The following AGL variants were observed in gnomAD, a reference collection of about 807,000 sequenced individuals.
The protein encoded by AGL is amylo-alpha-1,6-glucosidase and 4-alpha-glucanotransferase.
AGL carries 128 observed loss-of-function variants against 199.3 expected under a neutral mutation model. The observed-to-expected ratio is 0.64, with a 90% CI of 0.56 to 0.74. AGL has a LOEUF of 0.74. Among genes scored for constraint, AGL ranks in the 30% least tolerant of loss-of-function variants. The probability of loss-of-function intolerance (pLI) is 0.00; values close to 1 mark genes in which losing one functional copy is unlikely to be tolerated. For missense variants in AGL, 1,809 were observed against 1,820.8 expected (o/e 0.99, Z 0.12); for synonymous variants, 584 against 594.7 (o/e 0.98, Z 0.26).
At chr1:99,912,072 C>T (rs186210113) in intron 28 of AGL, among the ~76,000 whole-genome samples, 3 of 152,224 alleles carry the variant, frequency 2.0e-5, no homozygotes, top group Admixed American at 2.0e-4. Flanking sequence ...TTTCTCCAGC[C>T]CTATTTTTCA....
chr1:99,871,415 C>G (rs550225159), intron 7 of AGL, among the ~76,000 whole-genome samples: 3 of 136,140 alleles, frequency 2.2e-5, no homozygotes, highest in South Asian at 2.2e-4. Flanking sequence ...AATGTGCCCC[C>G]CCCCCCCCAA....
intron 21 of AGL, among the ~76,000 whole-genome samples, chr1:99,890,060 C>T (rs1401266035): frequency 6.6e-6 from 1 of 152,128 alleles, no homozygotes; most frequent in South Asian, 2.1e-4. Context: ...TCCTTTCATC[C>T]TCAGTATCCA....
intron 2 of AGL, among the ~76,000 whole-genome samples, chr1:99,858,523 T>A (rs1184053600): frequency 1.3e-5 from 2 of 152,204 alleles, no homozygotes; most frequent in Non-Finnish European, 2.9e-5. Context: ...TGGATGTGGC[T>A]GTGTTCCAGT....
At position 99,916,494 on chromosome 1, in the gene AGL, A is replaced by C. The variant is rs373302638; in HGVS notation, c.4344A>C (p.Gly1448=). Residue 1448 remains glycine (G), a synonymous_variant, in exon 32 of 34, where the codon GGA becomes GGC. Coordinates refer to ENST00000361915, the MANE Select transcript of AGL (RefSeq NM_000642.3). ...CTAAAGGTTTCAATTATCACCAAGG[A>C]CCTGTAAGAATTTCATTTATCTTCT... ...NLAKGFNYHQ[G]PEWLWPIGYF... The C allele has an allele frequency of 6.2e-7, 1 of 1,609,774 alleles. No homozygotes were observed. Among genetic ancestry groups the C allele is most frequent in the African/African-American group, 1.3e-5 (1 of 74,910 alleles).
intron 7 of AGL, 27 bp from the exon 8 acceptor site, chr1:99,874,660 T>G: frequency 6.3e-7 from 1 of 1,597,254 alleles, no homozygotes; most frequent in East Asian, 2.2e-5. Flanking sequence ...TATTTGCATT[T>G]AAGGTATCGT....
In AGL at chr1:99,861,305, T is replaced by C. The variant is rs1571225618; in HGVS notation, c.83-198T>C. The C allele has an allele frequency of 1.3e-5, 19 of 1,442,380 alleles. No individual in the cohort carries two copies. The East Asian group carries it at 4.9e-4, about 37-fold the overall frequency. The allele number at this position is 1,442,380 out of a possible 1,614,324, so 89.3% of individuals were successfully genotyped here. A position where few individuals can be genotyped will look rare whatever the true frequency, so the allele number is the denominator to read the frequency against. On this transcript the variant is annotated intron_variant, in intron 2 of 33. Coordinates refer to ENST00000361915, the MANE Select transcript of AGL (RefSeq NM_000642.3). ...CATTACAGAGCAGACAGCTCTATGA[T>C]GTTTACTATACTTGCTAAAATGTGA...
At chr1:99,888,231 C>T in intron 21 of AGL, 123 bp downstream of exon 21, 1 of 1,260,554 alleles carries the variant, frequency 7.9e-7, no homozygotes, top group Non-Finnish European at 1.1e-6. Flanking sequence ...GGCTCTGCTT[C>T]TGCTCATTAA....
At chr1:99,866,361 A>G (rs1650509642) in intron 5 of AGL, among the ~76,000 whole-genome samples, 1 of 152,162 alleles carries the variant, frequency 6.6e-6, no homozygotes, top group African/African-American at 2.4e-5. Context: ...GTGATAGGGA[A>G]CTAGTTTCTC....
rs777174193 is a variant in AGL, at chr1:99,888,033, T to C, written c.2737T>C (p.Ser913Pro). The C allele has an allele frequency of 6.2e-7, 1 of 1,613,540 alleles. No homozygotes were observed. Among genetic ancestry groups the C allele is most frequent in the Non-Finnish European group, 8.5e-7 (1 of 1,179,646 alleles). The part of the protein sequence containing the change: ...ELNQILYRCE[S>P]EEKEDGGGCY... ...AAATCAGATCCTTTACCGATGTGAA[T>C]CAGAAGAAAAGGAAGATGGTGGAGG... is the stretch of plus-strand genomic sequence containing the variant. The change falls in exon 21 of 34, where the codon TCA (serine) becomes CCA (proline). Residue 913 changes from serine (S) to proline (P), a missense_variant. By Grantham distance (74) the Ser-to-Pro change is moderately conservative (BLOSUM62 -1). Coordinates refer to ENST00000361915, the MANE Select transcript of AGL (RefSeq NM_000642.3).
Position 99,924,018 on chromosome 1 carries a change from G to C in AGL, c.*2367G>C, listed in dbSNP as rs980088194. The C allele has an allele frequency of 1.3e-5, 2 of 152,052 alleles. No individual in the cohort carries two copies. The highest frequency in any genetic ancestry group is 4.8e-5 in the African/African-American group (2 of 41,394). The allele number at this position is 152,052 out of a possible 1,614,324, so 9.4% of individuals were successfully genotyped here. On this transcript the variant is annotated 3_prime_UTR_variant, in exon 34 of 34. Transcript: ENST00000361915. ...AAGAAAATAAAAATATTTTCTAAAG[G>C]TCTGTATTTTGCTTTCATTCATAGT...
At position 99,913,642 on chromosome 1, in the gene AGL, G is replaced by A; in HGVS notation, c.4065G>A (p.Leu1355=). 12 of 1,614,052 alleles carry A rather than the reference G, an allele frequency of 7.4e-6. No individual in the cohort carries two copies. Among genetic ancestry groups the A allele is most frequent in the Non-Finnish European group, 1.0e-5 (12 of 1,179,974 alleles). ...PSDLNEKHPN[L]VHKRGIYKDS... ...ATTTAAATGAAAAGCATCCAAATCT[G>A]GTTCACAAACGTGGCATATACAAAG... The change falls in exon 30 of 34, where the codon CTG becomes CTA. Residue 1355 remains leucine (L), a synonymous_variant. Coordinates refer to ENST00000361915, the MANE Select transcript of AGL (RefSeq NM_000642.3).
intron 31 of AGL, 48 bp downstream of exon 31, chr1:99,915,534 T>C (rs1655051814): frequency 7.0e-7 from 1 of 1,429,572 alleles, no homozygotes; most frequent in Admixed American, 1.8e-5. Flanking sequence ...TTAATCCAAA[T>C]ACATTGACAT....
At chr1:99,915,323 C>G (rs910446511) in intron 30 of AGL, 66 bp from the exon 31 acceptor site, 13 of 1,313,256 alleles carry the variant, frequency 9.9e-6, no homozygotes, top group Admixed American at 1.7e-5. Context: ...TGAATAGTTT[C>G]TGTGGGTAGG....
At chr1:99,875,527 C>T in intron 10 of AGL, 72 bp downstream of exon 10, 1 of 1,303,606 alleles carries the variant, frequency 7.7e-7, no homozygotes, top group South Asian at 1.2e-5. Context: ...TGAAATTAAC[C>T]TAAATGTTTT....
chr1:99,899,744 C>T (rs1007284866), intron 25 of AGL, among the ~76,000 whole-genome samples: 2 of 152,072 alleles, frequency 1.3e-5, no homozygotes, highest in African/African-American at 4.8e-5. Context: ...CCTCAGCCTC[C>T]TGAGTAGCTG....
chr1:99,912,173 T>C (rs762916080), intron 28 of AGL, among the ~76,000 whole-genome samples: 27 of 152,142 alleles, frequency 1.8e-4, no homozygotes, highest in Non-Finnish European at 4.0e-4. Context: ...ATTCCACAAT[T>C]CCCATTCTAC....
rs772656234 is a variant in AGL, at chr1:99,875,380, A to G, written c.1208A>G (p.Asn403Ser). 1 of 1,614,154 alleles carries G rather than the reference A, an allele frequency of 6.2e-7. No homozygotes were observed. Among genetic ancestry groups the G allele is most frequent in the South Asian group, 1.1e-5 (1 of 91,088 alleles). The change falls in exon 10 of 34, where the codon AAT becomes AGT. Residue 403 changes from asparagine to serine, a missense_variant. By Grantham distance (46) the Asn-to-Ser change is conservative. Coordinates refer to ENST00000361915, the MANE Select transcript of AGL (RefSeq NM_000642.3). ...CAGGCAGTTAATTGCCTTTTGGGAA[A>G]TGTGTTTTATGAACGACTGGCTGGC... ...QEQAVNCLLG[N>S]VFYERLAGHG...
chr1:99,896,414 C>T, intron 25 of AGL, 26 bp downstream of exon 25: 1 of 1,529,070 alleles, frequency 6.5e-7, no homozygotes, highest in Non-Finnish European at 9.1e-7. Flanking sequence ...AAGTGTTGTA[C>T]TGCGAGTTTA....
In AGL at chr1:99,883,347, T is replaced by A. The variant is rs987992485; in HGVS notation, c.2309-773T>A. 1.2e-4 allele frequency among the ~76,000 whole-genome samples: 18 copies of A among 152,228 alleles called. 1 individual carries two copies. Among genetic ancestry groups the A allele is most frequent in the Admixed American group, 1.0e-3 (16 of 15,284 alleles). ...CTGCAGTTCTATCCCTAGGTATATA[T>A]CTGGGAAACTTTCATATATTTCCAT... On this transcript the variant is annotated intron_variant, in intron 17 of 33. Coordinates refer to ENST00000361915, the MANE Select transcript of AGL (RefSeq NM_000642.3).
Sources: gnomAD v4.1 joint callset for allele counts (sites outside exome capture counted in the v4.1 genomes callset) on GRCh38, gnomAD v4.1.1 for gene constraint, MANE v1.5 for transcripts, NCBI Gene and HGNC (gene_info 2026-07-23, HGNC 2026-07-21) for gene names.